EFCAB5: variants seen among roughly 807,000 people sequenced by gnomAD.
EFCAB5 encodes EF-hand calcium binding domain 5.
EFCAB5 carries 131 observed loss-of-function variants against 167.9 expected under a neutral mutation model. The observed-to-expected ratio is 0.78, with a 90% CI of 0.68 to 0.90. The LOEUF is 0.90. Ranked by LOEUF, EFCAB5 falls within the 40% of genes least tolerant of loss-of-function variation. The probability of loss-of-function intolerance (pLI) is 0.00; values close to 1 mark genes in which losing one functional copy is unlikely to be tolerated. For synonymous variants in EFCAB5, 574 were observed against 602.8 expected (o/e 0.95, Z 0.70); for missense variants, 1,663 against 1,745.2 (o/e 0.95, Z 0.84).
chr17:30,021,003 A>G (rs2069165390), intron 7 of EFCAB5, among the ~76,000 whole-genome samples: 1 of 152,104 alleles, frequency 6.6e-6, no homozygotes, highest in Non-Finnish European at 1.5e-5. Context: ...CTCAGATAAT[A>G]TATATAGCTG....
At chr17:30,076,163 A>G (rs1216459876) in intron 14 of EFCAB5, among the ~76,000 whole-genome samples, 1 of 152,200 alleles carries the variant, frequency 6.6e-6, no homozygotes, top group East Asian at 1.9e-4. Context: ...CTGCACTATC[A>G]TAGAACCTCT....
At chr17:30,029,877 T>G (rs557294367) in intron 7 of EFCAB5, among the ~76,000 whole-genome samples, 1 of 152,316 alleles carries the variant, frequency 6.6e-6, no homozygotes, top group South Asian at 2.1e-4. Context: ...TAGAATCTTA[T>G]AATAGCTATT....
intron 13 of EFCAB5, chr17:30,059,017 C>T (rs1261023740): frequency 6.8e-6 from 1 of 147,142 alleles, no homozygotes; most frequent in Admixed American, 6.8e-5. Flanking sequence ...TTAAGGAATA[C>T]TAATGCAGAG....
chr17:30,069,489 T>A (rs1476013872), intron 14 of EFCAB5: 79 of 1,596,214 alleles, frequency 4.9e-5, no homozygotes, highest in Non-Finnish European at 6.5e-5. Context: ...CACCAGTTAG[T>A]TGTGGGGGCA....
chr17:29,990,750 A>G (rs1371258689), intron 4 of EFCAB5, among the ~76,000 whole-genome samples: 1 of 152,220 alleles, frequency 6.6e-6, no homozygotes, highest in Non-Finnish European at 1.5e-5. Context: ...GTATCCTAAC[A>G]GAGAACTGCC....
At chr17:30,053,147 C>T in intron 9 of EFCAB5, 108 bp from the exon 10 acceptor site, 1 of 1,269,376 alleles carries the variant, frequency 7.9e-7, no homozygotes, top group Non-Finnish European at 1.1e-6. Context: ...AGCAATAGGC[C>T]TATATTACAA....
At position 30,083,429 on chromosome 17, in the gene EFCAB5, A is replaced by C. The variant is rs147645507; in HGVS notation, c.3579+386A>C. 4.0e-4 allele frequency among the ~76,000 whole-genome samples: 61 copies of C among 152,316 alleles called. No homozygotes were observed. In the East Asian group the frequency reaches 0.011, roughly 28 times the overall value. ...TGCAGAGCAAGTCAGATGCTTACTA[A>C]AAGCATCCTGTAAAAAGTTCCAGTT... On this transcript the variant is annotated intron_variant, in intron 18 of 22. Coordinates refer to ENST00000394835, the MANE Select transcript of EFCAB5 (RefSeq NM_198529.4).
At position 30,078,318 on chromosome 17, in the gene EFCAB5, G is replaced by C; in HGVS notation, c.2841G>C (p.Arg947Ser). Reference protein sequence around the residue: ...NYIELVVSELRGNEDQVLESV... With the variant: ...NYIELVVSELSGNEDQVLESV... ...TAGAATTGGTTGTGTCTGAACTCAG[G>C]GGCAATGAAGACCAAGTTCTGGAAA... The change falls in exon 15 of 23, where the codon AGG becomes AGC. Residue 947 changes from arginine to serine, a missense_variant. Coordinates refer to ENST00000394835, the MANE Select transcript of EFCAB5 (RefSeq NM_198529.4). 1 of 1,613,968 alleles carries C rather than the reference G, an allele frequency of 6.2e-7. No individual in the cohort carries two copies. Among genetic ancestry groups the C allele is most frequent in the Non-Finnish European group, 8.5e-7 (1 of 1,179,882 alleles).
chr17:30,037,711 G>A (rs926868077), intron 8 of EFCAB5, among the ~76,000 whole-genome samples: 1 of 152,142 alleles, frequency 6.6e-6, no homozygotes, highest in Non-Finnish European at 1.5e-5. Context: ...ATGCATACGT[G>A]CTTCAGCCAG....
intron 6 of EFCAB5, among the ~76,000 whole-genome samples, chr17:29,996,927 C>A (rs1288372042): frequency 6.6e-6 from 1 of 152,084 alleles, no homozygotes; most frequent in African/African-American, 2.4e-5. Context: ...TCATCCAGTT[C>A]TGTTACTATA....
At chr17:30,037,582 TTAATGA>T (rs1172963635) in intron 8 of EFCAB5, among the ~76,000 whole-genome samples, 2 of 152,206 alleles carry the variant, frequency 1.3e-5, no homozygotes, top group Admixed American at 6.5e-5. Flanking sequence ...AAAATAGTTT[TTAATGA>T]TAATACCTAT....
At chr17:30,037,329 C>G (rs535949119) in intron 8 of EFCAB5, among the ~76,000 whole-genome samples, 20 of 152,188 alleles carry the variant, frequency 1.3e-4, no homozygotes, top group South Asian at 2.1e-4. Flanking sequence ...AAGAAGACAC[C>G]TGGGTTAGGA....
intron 7 of EFCAB5, among the ~76,000 whole-genome samples, chr17:30,015,505 C>T (rs981880788): frequency 7.2e-5 from 11 of 152,048 alleles, no homozygotes; most frequent in Non-Finnish European, 1.3e-4. Context: ...TGAAATGAAG[C>T]GAGAAGAGAA....
chr17:30,009,283 G>A (rs986857279), intron 7 of EFCAB5, among the ~76,000 whole-genome samples: 1 of 152,084 alleles, frequency 6.6e-6, no homozygotes, highest in Non-Finnish European at 1.5e-5. Context: ...GTGTACAATT[G>A]AATGGGCTTT....
At chr17:30,083,548 G>A (rs145559798) in intron 18 of EFCAB5, among the ~76,000 whole-genome samples, 3 of 152,324 alleles carry the variant, frequency 2.0e-5, no homozygotes, top group East Asian at 1.9e-4. Flanking sequence ...TCCGCCACCC[G>A]GGCTCAAGCA....
At chr17:30,023,071 G>A (rs2069223362) in intron 7 of EFCAB5, among the ~76,000 whole-genome samples, 1 of 151,616 alleles carries the variant, frequency 6.6e-6, no homozygotes, top group Admixed American at 6.6e-5. Flanking sequence ...GCCCACAAGA[G>A]AAAGCAGGAA....
chr17:30,069,286 T>C (rs1043264111), intron 14 of EFCAB5: 1 of 1,494,306 alleles, frequency 6.7e-7, no homozygotes, highest in South Asian at 1.1e-5. Flanking sequence ...CATGGGGAGA[T>C]GGCAAAGGTG....
intron 15 of EFCAB5, among the ~76,000 whole-genome samples, chr17:30,078,925 G>A (rs1485319522): frequency 4.6e-5 from 7 of 152,316 alleles, no homozygotes; most frequent in African/African-American, 1.4e-4. Flanking sequence ...TCATTATCGA[G>A]TCTGACACCA....
chr17:30,004,660 G>A lies in EFCAB5; in HGVS notation c.1044+4684G>A, dbSNP rs532893321. On this transcript the variant is annotated intron_variant, in intron 7 of 22. Transcript: ENST00000394835. ...TTTTGAGATGGAGTCTTGCTCTGTCGCCCAGTCTGGAGTGCAGTGGTGCAA... is the reference window on the plus strand; with the variant it reads ...TTTTGAGATGGAGTCTTGCTCTGTCACCCAGTCTGGAGTGCAGTGGTGCAA... Among the ~76,000 whole-genome samples the A allele has an allele frequency of 8.3e-5, 12 of 144,050 alleles. No homozygotes were observed. In the East Asian group the frequency reaches 1.4e-3, roughly 17 times the overall value. The allele number at this position is 144,050 out of a possible 152,430, so 94.5% of individuals were successfully genotyped here.
Sources: gnomAD v4.1 joint callset for allele counts (sites outside exome capture counted in the v4.1 genomes callset) on GRCh38, gnomAD v4.1.1 for gene constraint, MANE v1.5 for transcripts, NCBI Gene and HGNC (gene_info 2026-07-23, HGNC 2026-07-21) for gene names.